The following CSMD1 variants were observed in gnomAD, a reference collection of about 807,000 sequenced individuals.
CSMD1 encodes the protein CUB and Sushi multiple domains 1.
Under a neutral mutation model 417.5 loss-of-function variants are expected in CSMD1, and 213 were observed. The observed-to-expected ratio is 0.51, with a 90% confidence interval of 0.46 to 0.57. The LOEUF is 0.57. Ranked by LOEUF, CSMD1 falls within the 20% of genes least tolerant of loss-of-function variation. CSMD1 has a pLI of 0.00. For missense variants in CSMD1, 6,923 were observed against 4,529.7 expected (o/e 1.53, Z -15.17); for synonymous variants, 2,862 against 1,736.8 (o/e 1.65, Z -16.11).
intron 34 of CSMD1, among the ~76,000 whole-genome samples, chr8:3,189,421 G>A (rs563537288): frequency 5.9e-5 from 9 of 152,186 alleles, no homozygotes; most frequent in Non-Finnish European, 1.0e-4. Context: ...GAGAAGAGGC[G>A]CTTAAAATGT....
intron 5 of CSMD1, among the ~76,000 whole-genome samples, chr8:3,805,317 C>CA (rs1297078368): frequency 6.6e-6 from 1 of 152,112 alleles, no homozygotes; most frequent in African/African-American, 2.4e-5. Flanking sequence ...ACACCAGCCT[C>CA]AAAGGCAAGA....
intron 3 of CSMD1, among the ~76,000 whole-genome samples, chr8:4,161,625 T>C (rs1296877083): frequency 1.3e-5 from 2 of 152,142 alleles, no homozygotes; most frequent in East Asian, 3.9e-4. Flanking sequence ...AAATTTAAAA[T>C]GTCAAAAGTT....
chr8:4,831,518 A>G (rs769447242), intron 1 of CSMD1, among the ~76,000 whole-genome samples: 1 of 151,314 alleles, frequency 6.6e-6, no homozygotes, highest in Non-Finnish European at 1.5e-5. Flanking sequence ...CATGGTACAT[A>G]TTTTTTTTTA....
At chr8:4,472,692 T>C (rs938063786) in intron 2 of CSMD1, among the ~76,000 whole-genome samples, 8 of 152,170 alleles carry the variant, frequency 5.3e-5, no homozygotes, top group African/African-American at 1.7e-4. Flanking sequence ...CAAGAAAATA[T>C]TGAAATGAGC....
chr8:4,796,460 A>G (rs1797987744), intron 1 of CSMD1, among the ~76,000 whole-genome samples: 2 of 151,740 alleles, frequency 1.3e-5, no homozygotes, highest in South Asian at 2.1e-4. Context: ...ATGTATGTAA[A>G]TATCTTTGAG....
At chr8:3,965,973 T>C (rs1042865995) in intron 5 of CSMD1, among the ~76,000 whole-genome samples, 6 of 152,186 alleles carry the variant, frequency 3.9e-5, no homozygotes, top group Admixed American at 3.9e-4. Context: ...GAAAGCATAA[T>C]TTAGCGAGAA....
chr8:4,117,412 C>A (rs1282868885), intron 3 of CSMD1, among the ~76,000 whole-genome samples: 6 of 151,910 alleles, frequency 3.9e-5, no homozygotes, highest in African/African-American at 7.3e-5. Flanking sequence ...CTCTGCCTGC[C>A]GCAAGGTAAA....
At chr8:3,788,420 G>T (rs1322360594) in intron 5 of CSMD1, among the ~76,000 whole-genome samples, 1 of 152,144 alleles carries the variant, frequency 6.6e-6, no homozygotes, top group African/African-American at 2.4e-5. Flanking sequence ...GCTTCTGGAG[G>T]TGCCCAACAG....
rs1337858976 is a variant in CSMD1 at position 4,773,516 on chromosome 8, A to T, written c.86-135958T>A. On this transcript the variant is annotated intron_variant, in intron 1 of 69. Coordinates refer to ENST00000635120, the MANE Select transcript of CSMD1 (RefSeq NM_033225.6). ...AAGAATACTCTCAGATTGCTTCCTC[A>T]ACCAGTTTTTATGATTCAGTTGAAA... Among the ~76,000 whole-genome samples, 6 of 152,162 alleles carry T rather than the reference A, an allele frequency of 3.9e-5. No homozygotes were observed. In the South Asian group the frequency reaches 6.2e-4, roughly 16 times the overall value.
intron 7 of CSMD1, among the ~76,000 whole-genome samples, chr8:3,640,336 T>A (rs1797247157): frequency 6.6e-6 from 1 of 152,228 alleles, no homozygotes; most frequent in Non-Finnish European, 1.5e-5. Context: ...TATGAGATAA[T>A]TAAATATCCA....
chr8:4,018,445 G>C (rs772078729), intron 4 of CSMD1, among the ~76,000 whole-genome samples: 46 of 152,244 alleles, frequency 3.0e-4, no homozygotes, highest in Non-Finnish European at 6.3e-4. Context: ...AGTAGCTGCA[G>C]GTCTGTCAAC....
At chr8:4,710,796 G>C (rs748091239) in intron 1 of CSMD1, among the ~76,000 whole-genome samples, 25 of 151,848 alleles carry the variant, frequency 1.6e-4, no homozygotes, top group African/African-American at 5.8e-4. Context: ...CATGAGCCAA[G>C]ATCGCACCAC....
intron 3 of CSMD1, among the ~76,000 whole-genome samples, chr8:4,303,422 G>GTTTTTTTTT (rs71511194): frequency 3.5e-5 from 3 of 85,216 alleles, no homozygotes; most frequent in African/African-American, 1.4e-4. Flanking sequence ...GCAGGAAGCT[G>GTTTTTTTTT]TTTTTTTTTT....
At chr8:4,362,702 T>C (rs78317752) in intron 3 of CSMD1, among the ~76,000 whole-genome samples, 1,529 of 152,334 alleles carry the variant, frequency 0.01, 23 homozygotes, top group African/African-American at 0.034. Flanking sequence ...CTGATAAGAT[T>C]TGTAAGAGAA....
chr8:4,902,347 G>C (rs1804937281), intron 1 of CSMD1, among the ~76,000 whole-genome samples: 1 of 151,394 alleles, frequency 6.6e-6, no homozygotes, highest in Non-Finnish European at 1.5e-5. Context: ...TGAGGCAGAA[G>C]GATTGATTGA....
intron 21 of CSMD1, among the ~76,000 whole-genome samples, chr8:3,352,391 C>T (rs185765886): frequency 8.5e-5 from 13 of 152,252 alleles, no homozygotes; most frequent in African/African-American, 3.1e-4. Flanking sequence ...GACACAAATT[C>T]TAGAATTTCA....
chr8:4,941,579 C>A (rs1169604744), intron 1 of CSMD1, among the ~76,000 whole-genome samples: 1 of 151,466 alleles, frequency 6.6e-6, no homozygotes, highest in Non-Finnish European at 1.5e-5. Context: ...TTCATGGAAA[C>A]AATCAGTTTT....
At chr8:4,250,501 C>T (rs1400104235) in intron 3 of CSMD1, among the ~76,000 whole-genome samples, 1 of 152,112 alleles carries the variant, frequency 6.6e-6, no homozygotes, top group African/African-American at 2.4e-5. Flanking sequence ...TGTAATGACT[C>T]TTGGTGGAAT....
At chr8:4,456,425 G>A (rs1006976178) in intron 2 of CSMD1, among the ~76,000 whole-genome samples, 1 of 152,144 alleles carries the variant, frequency 6.6e-6, no homozygotes, top group African/African-American at 2.4e-5. Context: ...TAGAAAAAAA[G>A]TATTTTTAAT....
Sources: gnomAD v4.1 joint callset for allele counts (sites outside exome capture counted in the v4.1 genomes callset) on GRCh38, gnomAD v4.1.1 for gene constraint, MANE v1.5 for transcripts, NCBI Gene and HGNC (gene_info 2026-07-23, HGNC 2026-07-21) for gene names.